The following SNTG1 variants were observed in gnomAD, a reference collection of about 807,000 sequenced individuals.
The protein encoded by SNTG1 is syntrophin gamma 1.
SNTG1 carries 39 observed loss-of-function variants against 74.7 expected under a neutral mutation model. That is an observed-to-expected ratio of 0.52 (90% CI 0.40 to 0.68). The LOEUF is 0.68. Ranked by LOEUF, SNTG1 falls within the 30% of genes least tolerant of loss-of-function variation. The probability of loss-of-function intolerance (pLI) is 0.00; values close to 1 mark genes in which losing one functional copy is unlikely to be tolerated. For missense variants in SNTG1, 685 were observed against 609.5 expected, an observed-to-expected ratio of 1.12 and a Z score of -1.30; for synonymous variants, 254 against 217.1, an observed-to-expected ratio of 1.17 and a Z score of -1.49.
chr8:50,742,019 GA>G (rs1243655170), intron 17 of SNTG1, among the ~76,000 whole-genome samples: 2 of 151,890 alleles, frequency 1.3e-5, no homozygotes, highest in African/African-American at 2.4e-5. Flanking sequence ...TTAGGACTTT[GA>G]AGGATAATAA....
intron 2 of SNTG1, among the ~76,000 whole-genome samples, chr8:50,344,115 T>C (rs1355057066): frequency 6.6e-6 from 1 of 152,240 alleles, no homozygotes; most frequent in African/African-American, 2.4e-5. Context: ...GAGGGTATTG[T>C]TTTATTAGTA....
intron 1 of SNTG1, among the ~76,000 whole-genome samples, chr8:50,106,987 G>T (rs966837672): frequency 6.6e-6 from 1 of 152,160 alleles, no homozygotes; most frequent in Non-Finnish European, 1.5e-5. Context: ...TGATTGGCAA[G>T]AGCAGAACAC....
chr8:50,779,329 C>G (rs997780513), intron 18 of SNTG1, among the ~76,000 whole-genome samples: 2 of 152,204 alleles, frequency 1.3e-5, no homozygotes, highest in African/African-American at 4.8e-5. Context: ...TTCTTCCTAC[C>G]CATGAGGGTG....
intron 17 of SNTG1, among the ~76,000 whole-genome samples, chr8:50,713,861 C>T (rs955217203): frequency 1.3e-5 from 2 of 151,930 alleles, no homozygotes; most frequent in Non-Finnish European, 2.9e-5. Context: ...AGTTTAAGAC[C>T]AGCATGACCA....
chr8:50,110,363 T>G (rs545106771), intron 1 of SNTG1, among the ~76,000 whole-genome samples: 5 of 152,152 alleles, frequency 3.3e-5, no homozygotes, highest in Admixed American at 1.3e-4. Flanking sequence ...TGTCTGGCTA[T>G]CAGCCTACTC....
At position 50,793,379 on chromosome 8, in the gene SNTG1, A is replaced by AT. The variant is rs2131879060; in HGVS notation, c.*553dup. On this transcript the variant is annotated 3_prime_UTR_variant, in exon 19 of 19. Coordinates refer to ENST00000642720, the MANE Select transcript of SNTG1 (RefSeq NM_018967.5). The stretch of plus-strand genomic sequence containing the variant: ...TTTGCCCTTGTGTTCTCATCCCATG[A>AT]TTTGACACTGGCATTCCAATTGTTT... The AT allele has an allele frequency of 6.6e-6, 1 of 152,086 alleles. No homozygotes were observed. Among genetic ancestry groups the AT allele is most frequent in the Non-Finnish European group, 1.5e-5 (1 of 67,896 alleles). 9.4% of individuals were successfully genotyped at this position (152,086 alleles called of 1,614,324 possible).
chr8:50,130,781 CATAA>C (rs2081291573), intron 1 of SNTG1, among the ~76,000 whole-genome samples: 3 of 151,908 alleles, frequency 2.0e-5, no homozygotes, highest in Non-Finnish European at 2.9e-5. Context: ...TTTGGGTAAA[CATAA>C]ATAAACACTG....
chr8:49,996,633 T>C (rs533372695), intron 1 of SNTG1, among the ~76,000 whole-genome samples: 2 of 152,144 alleles, frequency 1.3e-5, no homozygotes, highest in Non-Finnish European at 2.9e-5. Context: ...CAATTGCCAG[T>C]CCAAATGTTT....
At chr8:50,353,414 AAG>A (rs1366793435) in intron 2 of SNTG1, among the ~76,000 whole-genome samples, 1 of 152,222 alleles carries the variant, frequency 6.6e-6, no homozygotes, top group African/African-American at 2.4e-5. Context: ...TAATAAAAAA[AAG>A]AACACTTTTA....
chr8:50,299,717 C>T (rs904325063), intron 2 of SNTG1, among the ~76,000 whole-genome samples: 16 of 151,868 alleles, frequency 1.1e-4, no homozygotes, highest in African/African-American at 3.9e-4. Flanking sequence ...TGTACTAAAC[C>T]TTGTCTGTAC....
intron 2 of SNTG1, among the ~76,000 whole-genome samples, chr8:50,343,674 A>T (rs1168312752): frequency 6.6e-6 from 1 of 152,222 alleles, no homozygotes; most frequent in Non-Finnish European, 1.5e-5. Flanking sequence ...TTGTAGTTGC[A>T]TCAGAAATTA....
Position 49,917,363 on chromosome 8 carries a change from G to A in SNTG1, c.-103+5132G>A, listed in dbSNP as rs528136903. On this transcript the variant is annotated intron_variant, in intron 1 of 18. Transcript: ENST00000642720. ...TGCCATTCTTCTTGAAAATGTTTCC[G>A]TGCTCTCATGGTGGAACATACATGG... 9.9e-5 allele frequency among the ~76,000 whole-genome samples: 15 copies of A among 152,094 alleles called. No individual in the cohort carries two copies. In the East Asian group the frequency reaches 1.7e-3, roughly 18 times the overall value.
Position 50,072,948 on chromosome 8 carries a change from A to G in SNTG1, c.-102-99613A>G, listed in dbSNP as rs936492781. ...CTCACAGTCATTTGAGCCTTCAGTGAGTTATAACATTTATACCAGTGGAGG... is the reference window on the plus strand; with the variant it reads ...CTCACAGTCATTTGAGCCTTCAGTGGGTTATAACATTTATACCAGTGGAGG... On this transcript the variant is annotated intron_variant, in intron 1 of 18. Coordinates refer to ENST00000642720, the MANE Select transcript of SNTG1 (RefSeq NM_018967.5). Among the ~76,000 whole-genome samples, 4 of 152,176 alleles carry G rather than the reference A, an allele frequency of 2.6e-5. No homozygotes were observed. In the East Asian group the frequency reaches 7.7e-4, roughly 29 times the overall value.
At chr8:50,195,984 A>G (rs1022287405) in intron 2 of SNTG1, among the ~76,000 whole-genome samples, 8 of 152,136 alleles carry the variant, frequency 5.3e-5, no homozygotes, top group African/African-American at 1.9e-4. Context: ...AATATCAATA[A>G]TTTTCATGGG....
chr8:49,992,354 C>T lies in SNTG1; in HGVS notation c.-103+80123C>T, dbSNP rs532306114. On this transcript the variant is annotated intron_variant, in intron 1 of 18. Coordinates refer to ENST00000642720, the MANE Select transcript of SNTG1 (RefSeq NM_018967.5). ...CCTCCATTTGTAGCAGGTCCACCACCGGGCACTAACTTGGCAATTTTGCAT... is the reference window on the plus strand; with the variant it reads ...CCTCCATTTGTAGCAGGTCCACCACTGGGCACTAACTTGGCAATTTTGCAT... Among the ~76,000 whole-genome samples, 5 of 152,234 alleles carry T rather than the reference C, an allele frequency of 3.3e-5. No individual in the cohort carries two copies. The South Asian group carries it at 6.2e-4, about 19-fold the overall frequency.
chr8:50,626,440 C>T (rs188290748), intron 13 of SNTG1, among the ~76,000 whole-genome samples: 36 of 152,310 alleles, frequency 2.4e-4, no homozygotes, highest in African/African-American at 7.9e-4. Flanking sequence ...AGAAATATAG[C>T]ATGTGGAGTG....
In SNTG1 at chr8:50,715,078, C is replaced by T. The variant is rs903521680; in HGVS notation, c.1284+6100C>T. ...TTATTCTTTATATAATAAGTATGGG[C>T]GTCCAACAAATAACACCTGAGTGTT... On this transcript the variant is annotated intron_variant, in intron 17 of 18. Transcript: ENST00000642720. 2.6e-5 allele frequency among the ~76,000 whole-genome samples: 4 copies of T among 152,016 alleles called. 1 individual carries two copies. Among genetic ancestry groups the T allele is most frequent in the Middle Eastern group, 6.3e-3 (2 of 316 alleles).
chr8:49,946,584 T>G (rs549651487), intron 1 of SNTG1, among the ~76,000 whole-genome samples: 1 of 152,288 alleles, frequency 6.6e-6, no homozygotes, highest in East Asian at 1.9e-4. Flanking sequence ...TTTTCTTTAC[T>G]CCAGAAATAA....
chr8:50,086,921 TG>T (rs1435561876), intron 1 of SNTG1, among the ~76,000 whole-genome samples: 1 of 152,210 alleles, frequency 6.6e-6, no homozygotes, highest in African/African-American at 2.4e-5. Flanking sequence ...TTTTAAACAT[TG>T]GAAACGGACA....
Sources: allele counts gnomAD v4.1 joint callset (sites outside exome capture counted in the v4.1 genomes callset), GRCh38; gene constraint gnomAD v4.1.1; transcripts MANE v1.5; gene names NCBI Gene and HGNC (gene_info 2026-07-23, HGNC 2026-07-21).